MTHFD2L: variants seen among roughly 807,000 people sequenced by gnomAD.
MTHFD2L encodes the protein bifunctional methylenetetrahydrofolate dehydrogenase/cyclohydrolase 2, mitochondrial.
Under a neutral mutation model 34.9 loss-of-function variants are expected in MTHFD2L, and 29 were observed. The ratio of observed to expected loss-of-function variants is 0.83; its 90% CI spans 0.62 to 1.13. The LOEUF (loss-of-function observed/expected upper bound fraction) is 1.13. Ranked by LOEUF, MTHFD2L falls within the 50% of genes most tolerant of loss-of-function variation. The pLI is 0.00. For missense variants in MTHFD2L, 481 were observed against 446.5 expected, an observed-to-expected ratio of 1.08 and a Z score of -0.70; for synonymous variants, 167 against 155.7, an observed-to-expected ratio of 1.07 and a Z score of -0.54.
intron 3 of MTHFD2L, chr4:74,190,659 G>C (rs1364833763): frequency 3.3e-6 from 1 of 299,100 alleles, no homozygotes; most frequent in Non-Finnish European, 4.9e-6. Context: ...TATTGGGAAA[G>C]TGGTAGGCAT....
At chr4:74,289,636 G>A (rs1258089456) in intron 7 of MTHFD2L, among the ~76,000 whole-genome samples, 1 of 152,200 alleles carries the variant, frequency 6.6e-6, no homozygotes, top group African/African-American at 2.4e-5. Flanking sequence ...AGGGATACCT[G>A]TTAAGAGGCT....
At chr4:74,197,505 T>G (rs949781148) in intron 3 of MTHFD2L, among the ~76,000 whole-genome samples, 11 of 152,132 alleles carry the variant, frequency 7.2e-5, no homozygotes, top group African/African-American at 2.2e-4. Flanking sequence ...CTTGGGATAT[T>G]TTAGAGTTAT....
At chr4:74,268,087 G>A in intron 6 of MTHFD2L, 1 of 984,958 alleles carries the variant, frequency 1.0e-6, no homozygotes, top group Non-Finnish European at 1.2e-6. Flanking sequence ...AACAGGAAAT[G>A]TTCTGTGGTC....
At chr4:74,115,561 T>C (rs758277033) in intron 2 of MTHFD2L, among the ~76,000 whole-genome samples, 1 of 152,170 alleles carries the variant, frequency 6.6e-6, no homozygotes, top group Admixed American at 6.5e-5. Flanking sequence ...CTTGAGGGGG[T>C]GCTCTGTCAG....
intron 1 of MTHFD2L, 91 bp downstream of exon 1, chr4:74,158,372 C>T: frequency 2.1e-6 from 2 of 973,546 alleles, no homozygotes; most frequent in Admixed American, 5.5e-5. Flanking sequence ...GGGCCCAAGG[C>T]TCGTGGGCGG....
chr4:74,126,100 T>C (rs1175267616), intron 1 of MTHFD2L, among the ~76,000 whole-genome samples: 1 of 152,190 alleles, frequency 6.6e-6, no homozygotes, highest in Non-Finnish European at 1.5e-5. Context: ...GGGCGCAGTC[T>C]TTAACTAATG....
At chr4:74,278,224 A>G (rs1010137168) in intron 6 of MTHFD2L, among the ~76,000 whole-genome samples, 2 of 152,114 alleles carry the variant, frequency 1.3e-5, no homozygotes, top group African/African-American at 4.8e-5. Flanking sequence ...TCCGAAGTAC[A>G]ACCAACTATT....
chr4:74,258,318 G>C lies in MTHFD2L; in HGVS notation c.806-23107G>C, dbSNP rs150829389. Among the ~76,000 whole-genome samples, 516 of 152,124 alleles carry C rather than the reference G, an allele frequency of 3.4e-3. 2 individuals are homozygous for C. Among genetic ancestry groups the C allele is most frequent in the African/African-American group, 0.012 (489 of 41,492 alleles). On this transcript the variant is annotated intron_variant, in intron 6 of 7. Coordinates refer to ENST00000325278, the MANE Select transcript of MTHFD2L (RefSeq NM_001144978.3). ...CATGATTCACAATAGCCAAGATATG[G>C]AATCAACTTAGGCATTCATTGATGG...
intron 1 of MTHFD2L, among the ~76,000 whole-genome samples, chr4:74,133,556 T>C (rs371379580): frequency 1.3e-5 from 2 of 152,268 alleles, no homozygotes; most frequent in East Asian, 3.9e-4. Context: ...TAGCCAGTCT[T>C]TGAGCTCACT....
intron 1 of MTHFD2L, among the ~76,000 whole-genome samples, chr4:74,168,416 C>T (rs1339527503): frequency 6.6e-6 from 1 of 152,180 alleles, no homozygotes; most frequent in Non-Finnish European, 1.5e-5. Flanking sequence ...TTCATTTCTG[C>T]CCACGTGTCA....
chr4:74,282,883 AC>A (rs1216018613), intron 7 of MTHFD2L, among the ~76,000 whole-genome samples: 1 of 152,122 alleles, frequency 6.6e-6, no homozygotes, highest in Admixed American at 6.6e-5. Context: ...TGCTGAAATC[AC>A]TAGGGAATGA....
chr4:74,221,096 T>G (rs1164113638), intron 5 of MTHFD2L, among the ~76,000 whole-genome samples: 8 of 151,150 alleles, frequency 5.3e-5, no homozygotes, highest in Non-Finnish European at 8.9e-5. Context: ...AAACTTCCAA[T>G]AGAAGGGTCT....
chr4:74,152,421 G>A (rs560941036), intron 1 of MTHFD2L, among the ~76,000 whole-genome samples: 1 of 152,112 alleles, frequency 6.6e-6, no homozygotes, highest in Admixed American at 6.5e-5. Flanking sequence ...CACATATGCT[G>A]TAAAGTTGTT....
chr4:74,199,732 A>AT, intron 3 of MTHFD2L, 62 bp from the exon 4 acceptor site: 1 of 1,431,706 alleles, frequency 7.0e-7, no homozygotes, highest in East Asian at 2.5e-5. Context: ...CTCAGATTTC[A>AT]TTTTTCAGGC....
chr4:74,193,316 G>A lies in MTHFD2L; in HGVS notation c.452-6478G>A, dbSNP rs528071853. On this transcript the variant is annotated intron_variant, in intron 3 of 7. Transcript: ENST00000325278. ...CTTTTCTTGTTCCATTGATCTATTT[G>A]TCTGTTCTTATGCCTGTATCACACT... 3.3e-5 allele frequency among the ~76,000 whole-genome samples: 5 copies of A among 149,492 alleles called. No homozygotes were observed. In the East Asian group the frequency reaches 9.6e-4, roughly 29 times the overall value.
intron 1 of MTHFD2L, among the ~76,000 whole-genome samples, chr4:74,168,179 G>T (rs896819830): frequency 6.6e-5 from 10 of 152,176 alleles, no homozygotes; most frequent in Non-Finnish European, 2.9e-5. Flanking sequence ...CACAGTAAAA[G>T]CCAACATCCT....
At chr4:74,251,188 C>A (rs564418769) in intron 6 of MTHFD2L, among the ~76,000 whole-genome samples, 1 of 152,246 alleles carries the variant, frequency 6.6e-6, no homozygotes, top group African/African-American at 2.4e-5. Flanking sequence ...CTGTCATGTT[C>A]ATTTCTCCAA....
At chr4:74,183,992 C>T (rs980289734) in intron 3 of MTHFD2L, 10 of 151,958 alleles carry the variant, frequency 6.6e-5, no homozygotes. Context: ...TGTGAAATGA[C>T]ATAATATTAC....
At chr4:74,117,246 C>T (rs944375455) in intron 2 of MTHFD2L, among the ~76,000 whole-genome samples, 1 of 152,210 alleles carries the variant, frequency 6.6e-6, no homozygotes, top group Non-Finnish European at 1.5e-5. Context: ...AACCTGGCCT[C>T]GGACACAGAA....
Sources: gnomAD v4.1 joint callset for allele counts (sites outside exome capture counted in the v4.1 genomes callset) on GRCh38, gnomAD v4.1.1 for gene constraint, MANE v1.5 for transcripts, NCBI Gene and HGNC (gene_info 2026-07-23, HGNC 2026-07-21) for gene names.